The following SLC20A2 variants were observed in gnomAD, a reference collection of about 807,000 sequenced individuals.
The protein encoded by SLC20A2 is solute carrier family 20 member 2.
A neutral mutation model predicts 61.0 loss-of-function variants in SLC20A2; 30 were observed. The ratio of observed to expected loss-of-function variants is 0.49; its 90% confidence interval spans 0.37 to 0.67. SLC20A2 has a LOEUF of 0.67. Among genes scored for constraint, SLC20A2 ranks in the 30% least tolerant of loss-of-function variants. The probability of loss-of-function intolerance (pLI) is 0.00; values close to 1 mark genes in which losing one functional copy is unlikely to be tolerated. For missense variants in SLC20A2, 626 were observed against 866.4 expected (o/e 0.72, Z 3.48); for synonymous variants, 351 against 353.3 (o/e 0.99, Z 0.07).
chr8:42,440,553 G>T (rs1187791857), intron 6 of SLC20A2, among the ~76,000 whole-genome samples: 1 of 152,192 alleles, frequency 6.6e-6, no homozygotes, highest in South Asian at 2.1e-4. Flanking sequence ...GGTTTTTGGA[G>T]ATTGCATATA....
intron 5 of SLC20A2, among the ~76,000 whole-genome samples, chr8:42,447,205 G>A (rs1293259701): frequency 6.6e-6 from 1 of 152,018 alleles, no homozygotes; most frequent in Non-Finnish European, 1.5e-5. Flanking sequence ...GATTAGCTGG[G>A]AGTAGTGGTG....
chr8:42,473,268 T>C (rs572890619), intron 1 of SLC20A2, among the ~76,000 whole-genome samples: 1 of 152,230 alleles, frequency 6.6e-6, no homozygotes, highest in East Asian at 1.9e-4. Flanking sequence ...GAGGCAATCC[T>C]ATCACTACGC....
chr8:42,463,135 A>G, intron 3 of SLC20A2, 45 bp from the exon 4 acceptor site: 2 of 1,094,176 alleles, frequency 1.8e-6, no homozygotes, highest in Non-Finnish European at 2.7e-6. Flanking sequence ...AAATTCATTC[A>G]TAATTATGGT....
At chr8:42,433,553 G>C (rs1804025700) in intron 8 of SLC20A2, among the ~76,000 whole-genome samples, 1 of 152,154 alleles carries the variant, frequency 6.6e-6, no homozygotes, top group Admixed American at 6.5e-5. Flanking sequence ...TTGATCTCCT[G>C]ACCTCATGAT....
intron 1 of SLC20A2, chr8:42,541,108 T>C (rs963707685): frequency 1.3e-5 from 2 of 152,036 alleles, no homozygotes; most frequent in Non-Finnish European, 2.9e-5. Flanking sequence ...CCCGGCTACA[T>C]TGCGCCTGGT....
At chr8:42,434,855 GGT>G (rs976429947) in intron 8 of SLC20A2, among the ~76,000 whole-genome samples, 2 of 152,088 alleles carry the variant, frequency 1.3e-5, no homozygotes, top group Admixed American at 1.3e-4. Context: ...AATGAAACAT[GGT>G]GTGTGTGTGA....
chr8:42,487,610 A>G lies in SLC20A2; in HGVS notation c.-265+13421T>C, dbSNP rs539237443. Among the ~76,000 whole-genome samples, 128 of 152,046 alleles carry G rather than the reference A, an allele frequency of 8.4e-4. 1 individual carries two copies. Among genetic ancestry groups the G allele is most frequent in the African/African-American group, 2.9e-3 (122 of 41,470 alleles). ...CTTCATTCCTTACAGCAACATCTCT[A>G]TTGTTTGGGGATCTTTCTTCTGGCA... is the stretch of plus-strand genomic sequence containing the variant. On this transcript the variant is annotated intron_variant, in intron 1 of 10. Coordinates refer to ENST00000520262, the MANE Select transcript of SLC20A2 (RefSeq NM_001257180.2).
intron 5 of SLC20A2, among the ~76,000 whole-genome samples, chr8:42,457,532 G>A (rs1806309881): frequency 1.3e-5 from 2 of 151,664 alleles, no homozygotes. Flanking sequence ...CCAGGCTGGA[G>A]GGCAGTGGCG....
intron 1 of SLC20A2, among the ~76,000 whole-genome samples, chr8:42,473,429 C>T (rs1807807987): frequency 6.6e-6 from 1 of 152,066 alleles, no homozygotes; most frequent in African/African-American, 2.4e-5. Flanking sequence ...CTTAGAAAGA[C>T]CAGGCACACT....
At chr8:42,423,089 T>C (rs1803153986) in intron 10 of SLC20A2, among the ~76,000 whole-genome samples, 1 of 152,210 alleles carries the variant, frequency 6.6e-6, no homozygotes, top group Non-Finnish European at 1.5e-5. Context: ...TGAATTTTCA[T>C]CTTAGCATAA....
In SLC20A2 at chr8:42,433,318, CAT is replaced by C. The variant is rs112005319; in HGVS notation, c.1524-3071_1524-3070del. ...TGTAGACAGCTCATAGAAGTGGAAT[CAT>C]AGAGTATTTATCTTTTTTTTTGAGA... On this transcript the variant is annotated intron_variant, in intron 8 of 10. Coordinates refer to ENST00000520262, the MANE Select transcript of SLC20A2 (RefSeq NM_001257180.2). Among the ~76,000 whole-genome samples the C allele has an allele frequency of 4.1e-3, 620 of 151,994 alleles. 6 individuals carry two copies. The highest frequency in any genetic ancestry group is 0.015 in the African/African-American group (604 of 41,536).
intron 5 of SLC20A2, among the ~76,000 whole-genome samples, chr8:42,447,120 T>C (rs1183027467): frequency 6.6e-6 from 1 of 151,722 alleles, no homozygotes; most frequent in Non-Finnish European, 1.5e-5. Flanking sequence ...GGTGAGAGGA[T>C]CACTTGAAGC....
chr8:42,438,073 A>ACAAC (rs1356843592), intron 7 of SLC20A2, among the ~76,000 whole-genome samples: 1 of 149,064 alleles, frequency 6.7e-6, no homozygotes, highest in African/African-American at 2.5e-5. Flanking sequence ...CAAAAAAAAA[A>ACAAC]AAAAAAAAAA....
At chr8:42,528,388 G>C (rs900814835) in intron 1 of SLC20A2, among the ~76,000 whole-genome samples, 3 of 151,846 alleles carry the variant, frequency 2.0e-5, no homozygotes, top group East Asian at 3.9e-4. Flanking sequence ...CGTGAACCCG[G>C]GAAGGAGAAC....
At chr8:42,439,798 A>T in intron 6 of SLC20A2, 145 bp from the exon 7 acceptor site, 1 of 657,976 alleles carries the variant, frequency 1.5e-6, no homozygotes, top group Non-Finnish European at 2.6e-6. Context: ...AGAGAAAATG[A>T]AGTTGAGGCC....
intron 9 of SLC20A2, among the ~76,000 whole-genome samples, chr8:42,429,821 C>T (rs1197909790): frequency 1.3e-5 from 2 of 152,172 alleles, no homozygotes; most frequent in Non-Finnish European, 2.9e-5. Flanking sequence ...TGCTCCACTA[C>T]CCCTGCTTGT....
Position 42,468,420 on chromosome 8 carries a change from G to A in SLC20A2, c.290-2503C>T, listed in dbSNP as rs149207874. Among the ~76,000 whole-genome samples the A allele has an allele frequency of 2.9e-3, 440 of 152,282 alleles. 2 individuals are homozygous for A. The highest frequency in any genetic ancestry group is 7.8e-3 in the Admixed American group (120 of 15,302). The stretch of plus-strand genomic sequence containing the variant: ...AAGGAGGAGAGAGGATAGCAGGGAG[G>A]GGAGGAGACAGGGGACAGCTGAGGG... On this transcript the variant is annotated intron_variant, in intron 2 of 10. Coordinates refer to ENST00000520262, the MANE Select transcript of SLC20A2 (RefSeq NM_001257180.2).
chr8:42,456,482 T>C (rs1016099447), intron 5 of SLC20A2, among the ~76,000 whole-genome samples: 31 of 152,044 alleles, frequency 2.0e-4, no homozygotes, highest in African/African-American at 7.2e-4. Flanking sequence ...ATGCCTGTAA[T>C]CCCACTTTGA....
intron 1 of SLC20A2, among the ~76,000 whole-genome samples, chr8:42,522,526 C>T (rs1168059832): frequency 8.4e-6 from 1 of 118,986 alleles, no homozygotes; most frequent in Non-Finnish European, 2.0e-5. Context: ...ACTAAAAATA[C>T]AAAAACCAGC....
Sources: allele counts gnomAD v4.1 joint callset (sites outside exome capture counted in the v4.1 genomes callset), GRCh38; gene constraint gnomAD v4.1.1; transcripts MANE v1.5; gene names NCBI Gene and HGNC (gene_info 2026-07-23, HGNC 2026-07-21).